PRSS23: variants seen among roughly 807,000 people sequenced by gnomAD.
The protein encoded by PRSS23 is serine protease 23.
A neutral mutation model predicts 34.7 loss-of-function variants in PRSS23; 25 were observed. The observed-to-expected ratio is 0.72, with a 90% confidence interval of 0.53 to 1.01. The LOEUF is 1.01. PRSS23 is among the 50% of genes least tolerant of loss of function. The pLI, the probability that PRSS23 is intolerant of heterozygous loss-of-function variation, is 0.00. For synonymous variants in PRSS23, 176 were observed against 186.6 expected (o/e 0.94, Z 0.46); for missense variants, 445 against 475.6 (o/e 0.94, Z 0.60).
At chr11:86,880,881 A>T (rs1948768298) in intron 2 of PRSS23, among the ~76,000 whole-genome samples, 1 of 152,174 alleles carries the variant, frequency 6.6e-6, no homozygotes, top group Non-Finnish European at 1.5e-5. Flanking sequence ...TGATTTTTAG[A>T]TATCAATCTT....
At chr11:86,891,935 A>G (rs1016751633) in intron 2 of PRSS23, among the ~76,000 whole-genome samples, 2 of 152,204 alleles carry the variant, frequency 1.3e-5, no homozygotes, top group Non-Finnish European at 2.9e-5. Context: ...CTCCCCAGCC[A>G]TGCCAAACTG....
chr11:86,872,087 C>T (rs1056448993), intron 2 of PRSS23, among the ~76,000 whole-genome samples: 2 of 152,192 alleles, frequency 1.3e-5, no homozygotes, highest in African/African-American at 4.8e-5. Context: ...ATTCACTTAA[C>T]TCTTGGTTTC....
chr11:86,925,603 A>G (rs1311744968), intron 2 of PRSS23, among the ~76,000 whole-genome samples: 1 of 152,230 alleles, frequency 6.6e-6, no homozygotes, highest in Non-Finnish European at 1.5e-5. Context: ...TCAGAATATT[A>G]CAATAATAAC....
chr11:86,817,594 C>T (rs2135611917), intron 1 of PRSS23, among the ~76,000 whole-genome samples: 1 of 152,298 alleles, frequency 6.6e-6, no homozygotes, highest in Middle Eastern at 3.4e-3. Context: ...CTATTCAGCT[C>T]TCCTGTTTGC....
chr11:86,792,571 A>C (rs1430817681), intron 1 of PRSS23, among the ~76,000 whole-genome samples: 1 of 152,214 alleles, frequency 6.6e-6, no homozygotes, highest in Non-Finnish European at 1.5e-5. Context: ...AGAGATGCAA[A>C]CTCATGGTAT....
chr11:86,929,662 T>G (rs1201542946), intron 2 of PRSS23, among the ~76,000 whole-genome samples: 1 of 152,258 alleles, frequency 6.6e-6, no homozygotes, highest in Non-Finnish European at 1.5e-5. Context: ...CAAACTCATA[T>G]ACAATTTGTA....
intron 2 of PRSS23, among the ~76,000 whole-genome samples, chr11:86,845,158 G>A (rs1022303903): frequency 6.6e-6 from 1 of 151,626 alleles, no homozygotes; most frequent in East Asian, 1.9e-4. Context: ...GTGAACCAAG[G>A]AAGGTTCTAT....
chr11:86,950,824 G>A (rs925890821), intron 2 of PRSS23: 7 of 424,178 alleles, frequency 1.7e-5, no homozygotes, highest in East Asian at 9.9e-5. Flanking sequence ...AAACAGTATC[G>A]CCCTGGACTT....
At chr11:86,889,913 C>T (rs985030472) in intron 2 of PRSS23, among the ~76,000 whole-genome samples, 13 of 152,158 alleles carry the variant, frequency 8.5e-5, no homozygotes, top group African/African-American at 2.9e-4. Flanking sequence ...AGGAGCTCGA[C>T]CCTAGAGATT....
chr11:86,913,970 T>C (rs1015104312), intron 2 of PRSS23, among the ~76,000 whole-genome samples: 2 of 142,250 alleles, frequency 1.4e-5, no homozygotes, highest in African/African-American at 5.5e-5. Flanking sequence ...TTTCGGAGGC[T>C]GAGGCGGGTG....
Position 86,922,885 on chromosome 11 carries a change from C to T in PRSS23, c.207-28331C>T, listed in dbSNP as rs111247387. On this transcript the variant is annotated intron_variant, in intron 2 of 2. Coordinates refer to the PRSS23 transcript ENST00000533902. ...GTTTGCTGGCTTGAATTAAACTACA[C>T]CTGCACTGTAGGTCCTACCCTCATA... Among the ~76,000 whole-genome samples the T allele has an allele frequency of 4.7e-3, 715 of 152,230 alleles. 5 individuals carry two copies. Among genetic ancestry groups the T allele is most frequent in the African/African-American group, 0.017 (691 of 41,528 alleles).
chr11:86,939,426 A>ATATATATATTCT, intron 2 of PRSS23, among the ~76,000 whole-genome samples: 1 of 94,072 alleles, frequency 1.1e-5, no homozygotes, highest in African/African-American at 3.3e-5. Flanking sequence ...ATATATATAT[A>ATATATATATTCT]TTTTTTAACA....
intron 2 of PRSS23, among the ~76,000 whole-genome samples, chr11:86,899,737 C>T (rs908106859): frequency 2.6e-5 from 4 of 151,884 alleles, no homozygotes; most frequent in South Asian, 2.1e-4. Context: ...AGGATGGTCT[C>T]GATCGCCTGA....
At chr11:86,889,499 T>C (rs953875577) in intron 2 of PRSS23, among the ~76,000 whole-genome samples, 2 of 152,220 alleles carry the variant, frequency 1.3e-5, no homozygotes, top group Admixed American at 6.5e-5. Flanking sequence ...GAGGGCATGC[T>C]GTATTCCCAC....
At chr11:86,939,506 A>G (rs2135025514) in intron 2 of PRSS23, among the ~76,000 whole-genome samples, 1 of 148,612 alleles carries the variant, frequency 6.7e-6, no homozygotes, top group South Asian at 2.1e-4. Context: ...TCCTCAGACT[A>G]CCTGCAAATA....
chr11:86,803,476 T>C (rs1467730460), intron 1 of PRSS23, among the ~76,000 whole-genome samples: 1 of 152,186 alleles, frequency 6.6e-6, no homozygotes, highest in Admixed American at 6.5e-5. Context: ...TAACAATAAT[T>C]ATTTGTCTTC....
Position 86,939,426 on chromosome 11 carries a change from A to ATATATT in PRSS23, c.207-11789_207-11788insATATTT. Among the ~76,000 whole-genome samples, 59 of 94,040 alleles carry ATATATT rather than the reference A, an allele frequency of 6.3e-4. 1 individual carries two copies. The highest frequency in any genetic ancestry group is 1.0e-3 in the Non-Finnish European group (44 of 43,138). 61.7% of individuals were successfully genotyped at this position (94,040 alleles called of 152,430 possible). A position where few individuals can be genotyped will look rare whatever the true frequency, so the allele number is the denominator to read the frequency against. ...AAAATATATATATATATATATATAT[A>ATATATT]TTTTTTAACATGAGTAAAAATTGCA... On this transcript the variant is annotated intron_variant, in intron 2 of 2. Transcript: ENST00000533902.
intron 2 of PRSS23, chr11:86,949,949 T>C (rs1294244820): frequency 6.6e-6 from 1 of 152,506 alleles, no homozygotes; most frequent in African/African-American, 2.4e-5. Flanking sequence ...AAAGTCTCCA[T>C]TGTCCTAAGT....
At chr11:86,848,721 A>G (rs933116173) in intron 2 of PRSS23, among the ~76,000 whole-genome samples, 2 of 152,232 alleles carry the variant, frequency 1.3e-5, no homozygotes, top group African/African-American at 2.4e-5. Flanking sequence ...GCTTGGAGGC[A>G]TTATTAAACC....
Sources: gnomAD v4.1 joint callset for allele counts (sites outside exome capture counted in the v4.1 genomes callset) on GRCh38, gnomAD v4.1.1 for gene constraint, MANE v1.5 for transcripts, NCBI Gene and HGNC (gene_info 2026-07-23, HGNC 2026-07-21) for gene names.